Variants in KCNMA1 observed in about 807,000 individuals in gnomAD.
KCNMA1 encodes the protein Calcium-activated potassium channel subunit alpha-1.
Under a neutral mutation model 140.0 loss-of-function variants are expected in KCNMA1, and 29 were observed. That is an observed-to-expected ratio of 0.21 (90% CI 0.15 to 0.28). KCNMA1 has a LOEUF of 0.28. Ranked by LOEUF, KCNMA1 falls within the 10% of genes least tolerant of loss-of-function variation. KCNMA1 has a pLI of 1.00. For missense variants in KCNMA1, 880 were observed against 1,602.2 expected (o/e 0.55, Z 7.70); for synonymous variants, 612 against 611.9 (o/e 1.00, Z 0.00).
intron 2 of KCNMA1, among the ~76,000 whole-genome samples, chr10:77,370,911 T>C (rs1325326211): frequency 6.6e-6 from 1 of 152,144 alleles, no homozygotes. Flanking sequence ...AAATACCTGA[T>C]ACACAGTGGG....
At chr10:77,240,163 C>T (rs2056889833) in intron 3 of KCNMA1, among the ~76,000 whole-genome samples, 2 of 152,090 alleles carry the variant, frequency 1.3e-5, no homozygotes, top group Non-Finnish European at 2.9e-5. Flanking sequence ...GGAAAATATG[C>T]CCTGTGACTT....
intron 20 of KCNMA1, among the ~76,000 whole-genome samples, chr10:76,964,140 G>T (rs2072901566): frequency 6.6e-6 from 1 of 151,284 alleles, no homozygotes; most frequent in Non-Finnish European, 1.5e-5. Flanking sequence ...AGACACCACT[G>T]CCCACCACCC....
At chr10:77,421,440 G>A (rs1195698654) in intron 1 of KCNMA1, among the ~76,000 whole-genome samples, 1 of 152,192 alleles carries the variant, frequency 6.6e-6, no homozygotes, top group Non-Finnish European at 1.5e-5. Flanking sequence ...TAGACTAGAG[G>A]TGGGCAAATT....
chr10:77,184,477 C>T (rs1421866362), intron 4 of KCNMA1, among the ~76,000 whole-genome samples: 1 of 152,230 alleles, frequency 6.6e-6, no homozygotes, highest in Non-Finnish European at 1.5e-5. Flanking sequence ...GCCTCAGCCT[C>T]CCAAAGCTGG....
chr10:77,348,873 G>T (rs181258592), intron 2 of KCNMA1, among the ~76,000 whole-genome samples: 27 of 152,054 alleles, frequency 1.8e-4, no homozygotes, highest in Non-Finnish European at 2.8e-4. Context: ...AAAGGAAGGT[G>T]CTGGAATTCC....
intron 1 of KCNMA1, among the ~76,000 whole-genome samples, chr10:77,619,326 CT>C (rs2090630914): frequency 6.6e-6 from 1 of 151,770 alleles, no homozygotes; most frequent in Non-Finnish European, 1.5e-5. Context: ...CTCTCTCTCT[CT>C]CTCTCTCTCT....
At chr10:77,234,306 T>G (rs2054651618) in intron 3 of KCNMA1, among the ~76,000 whole-genome samples, 2 of 152,280 alleles carry the variant, frequency 1.3e-5, no homozygotes, top group East Asian at 3.9e-4. Flanking sequence ...CACAAAACAT[T>G]TAAGAAACCC....
chr10:77,599,953 C>T (rs1258270813), intron 1 of KCNMA1, among the ~76,000 whole-genome samples: 1 of 152,178 alleles, frequency 6.6e-6, no homozygotes, highest in Non-Finnish European at 1.5e-5. Flanking sequence ...TCTCACTAGT[C>T]CTTAAAATGC....
chr10:77,532,177 AAAG>A (rs2057796705), intron 1 of KCNMA1, among the ~76,000 whole-genome samples: 1 of 152,204 alleles, frequency 6.6e-6, no homozygotes, highest in Non-Finnish European at 1.5e-5. Flanking sequence ...GTGCTTGGAG[AAAG>A]AAGGGGCTGG....
chr10:76,988,858 A>C (rs1021404657), intron 19 of KCNMA1, among the ~76,000 whole-genome samples: 4 of 152,176 alleles, frequency 2.6e-5, no homozygotes, highest in Admixed American at 1.3e-4. Context: ...TTCATCCATC[A>C]AATCTGTACT....
chr10:77,533,945 A>T (rs1171396881), intron 1 of KCNMA1, among the ~76,000 whole-genome samples: 2 of 152,108 alleles, frequency 1.3e-5, no homozygotes, highest in Non-Finnish European at 1.5e-5. Flanking sequence ...CAGAGGGAGA[A>T]CCCTTCCCTC....
intron 2 of KCNMA1, among the ~76,000 whole-genome samples, chr10:77,339,403 G>A (rs2090243725): frequency 6.6e-6 from 1 of 152,174 alleles, no homozygotes; most frequent in Non-Finnish European, 1.5e-5. Flanking sequence ...ATTGGCTACA[G>A]GGAAAGCAGG....
At chr10:77,039,410 A>G in intron 15 of KCNMA1, 118 bp downstream of exon 15, 1 of 729,156 alleles carries the variant, frequency 1.4e-6, no homozygotes, top group Non-Finnish European at 2.5e-6. Context: ...AGCACACGGG[A>G]TACCCTCGGC....
intron 14 of KCNMA1, among the ~76,000 whole-genome samples, chr10:77,042,383 A>C (rs2094775404): frequency 1.3e-5 from 2 of 152,232 alleles, no homozygotes; most frequent in Non-Finnish European, 2.9e-5. Context: ...CTTAGTAAAA[A>C]AATGTTGGAA....
chr10:77,456,090 G>A (rs1401868865), intron 1 of KCNMA1, among the ~76,000 whole-genome samples: 2 of 152,178 alleles, frequency 1.3e-5, no homozygotes, highest in Non-Finnish European at 2.9e-5. Flanking sequence ...CATGGCTAAG[G>A]AAGGCACTCT....
intron 25 of KCNMA1, among the ~76,000 whole-genome samples, chr10:76,897,897 C>T (rs2043277029): frequency 6.6e-6 from 1 of 151,816 alleles, no homozygotes; most frequent in Admixed American, 6.6e-5. Context: ...TCAAGAACTA[C>T]TAAATTTTTC....
chr10:77,014,672 C>T (rs1034047760), intron 17 of KCNMA1, among the ~76,000 whole-genome samples: 2 of 152,150 alleles, frequency 1.3e-5, no homozygotes, highest in East Asian at 3.9e-4. Context: ...TAAGAACATG[C>T]GATGTTTGCC....
chr10:77,339,673 C>A (rs182702602), intron 2 of KCNMA1, among the ~76,000 whole-genome samples: 1 of 152,212 alleles, frequency 6.6e-6, no homozygotes, highest in Non-Finnish European at 1.5e-5. Context: ...TGGAAGGTGG[C>A]TGACACTGCA....
At chr10:76,880,005 T>A (rs1434946234), downstream of KCNMA1, among the ~76,000 whole-genome samples, 5 of 152,124 alleles carry the variant, frequency 3.3e-5, no homozygotes, top group Non-Finnish European at 7.4e-5. Flanking sequence ...GGCCATGCTG[T>A]TATGCAGACT....
Sources: gnomAD v4.1 joint callset for allele counts (sites outside exome capture counted in the v4.1 genomes callset) on GRCh38, gnomAD v4.1.1 for gene constraint, MANE v1.5 for transcripts, NCBI Gene and HGNC (gene_info 2026-07-23, HGNC 2026-07-21) for gene names.